The following CHN1 variants were observed in gnomAD, a reference collection of about 807,000 sequenced individuals.
CHN1 encodes N-chimaerin.
A neutral mutation model predicts 59.5 loss-of-function variants in CHN1; 37 were observed. That is an observed-to-expected ratio of 0.62 (90% confidence interval 0.48 to 0.82). The LOEUF (loss-of-function observed/expected upper bound fraction) is 0.82. Ranked by LOEUF, CHN1 falls within the 40% of genes least tolerant of loss-of-function variation. The pLI is 0.00. For synonymous variants in CHN1, 206 were observed against 200.4 expected (o/e 1.03, Z -0.24); for missense variants, 469 against 571.0 (o/e 0.82, Z 1.82).
intron 5 of CHN1, among the ~76,000 whole-genome samples, chr2:174,909,204 T>C (rs939017345): frequency 2.0e-5 from 3 of 152,190 alleles, no homozygotes; most frequent in Non-Finnish European, 4.4e-5. Context: ...AGAAACTGCT[T>C]TCTAAGTACA....
At chr2:174,945,054 C>A in intron 2 of CHN1, 111 bp from the exon 3 acceptor site, 1 of 717,520 alleles carries the variant, frequency 1.4e-6, no homozygotes, top group South Asian at 2.0e-5. Flanking sequence ...CTGGTATAAC[C>A]TTATTTACTA....
chr2:174,849,686 G>A (rs1373437600), intron 6 of CHN1, among the ~76,000 whole-genome samples: 1 of 152,022 alleles, frequency 6.6e-6, no homozygotes, highest in Admixed American at 6.6e-5. Context: ...ATTAGTTATT[G>A]AGTACATATA....
At chr2:174,822,628 C>T (rs1000642776) in intron 8 of CHN1, among the ~76,000 whole-genome samples, 1 of 152,204 alleles carries the variant, frequency 6.6e-6, no homozygotes, top group Admixed American at 6.5e-5. Context: ...AAACTGGGCT[C>T]ATTGAGACCA....
chr2:174,950,780 T>G (rs1395429076), intron 2 of CHN1, among the ~76,000 whole-genome samples: 1 of 148,230 alleles, frequency 6.7e-6, no homozygotes, highest in South Asian at 2.2e-4. Flanking sequence ...CAGAGAAGTT[T>G]TTTTTTTTTT....
chr2:174,871,605 T>A (rs1233335287), intron 6 of CHN1, among the ~76,000 whole-genome samples: 1 of 152,126 alleles, frequency 6.6e-6, no homozygotes, highest in Non-Finnish European at 1.5e-5. Context: ...GAAAAATCAG[T>A]TTTCTCATCT....
intron 1 of CHN1, among the ~76,000 whole-genome samples, chr2:174,967,184 A>C (rs187867623): frequency 2.0e-5 from 3 of 152,136 alleles, no homozygotes; most frequent in Admixed American, 6.5e-5. Flanking sequence ...TCTCTACAAA[A>C]AATACAAAAA....
intron 5 of CHN1, among the ~76,000 whole-genome samples, chr2:174,911,513 T>G (rs954320734): frequency 6.6e-6 from 1 of 152,184 alleles, no homozygotes; most frequent in Non-Finnish European, 1.5e-5. Context: ...TCATTTTTCC[T>G]AAGTCAAGAG....
intron 1 of CHN1, among the ~76,000 whole-genome samples, chr2:174,953,280 T>C (rs1690084303): frequency 6.6e-6 from 1 of 152,006 alleles, no homozygotes; most frequent in Non-Finnish European, 1.5e-5. Context: ...TAAACTGCAA[T>C]ATCACACTTC....
chr2:174,856,054 T>C (rs1686891294), intron 6 of CHN1, among the ~76,000 whole-genome samples: 1 of 152,144 alleles, frequency 6.6e-6, no homozygotes, highest in Non-Finnish European at 1.5e-5. Flanking sequence ...ACTAGGCCTT[T>C]TACTACTGCT....
intron 6 of CHN1, among the ~76,000 whole-genome samples, chr2:174,871,505 G>A (rs1315161020): frequency 6.6e-6 from 1 of 152,054 alleles, no homozygotes; most frequent in Non-Finnish European, 1.5e-5. Flanking sequence ...TCAAGGTGTC[G>A]AGTCACAAAT....
At chr2:174,984,401 G>T (rs143623983) in intron 1 of CHN1, among the ~76,000 whole-genome samples, 46 of 127,318 alleles carry the variant, frequency 3.6e-4, no homozygotes, top group African/African-American at 9.9e-4. Context: ...ATGGAGTCTC[G>T]CTCTGTCACC....
Position 174,799,725 on chromosome 2 carries a change from T to C in CHN1, c.*391A>G, listed in dbSNP as rs763206510. On this transcript the variant is annotated 3_prime_UTR_variant, in exon 13 of 13. Coordinates refer to ENST00000409900, the MANE Select transcript of CHN1 (RefSeq NM_001822.7). ...GTACAAGCATCAGAAACCAATGACA[T>C]AGACCCCAAAAGCAAAGTCACAACA... 20 of 535,660 alleles carry C rather than the reference T, an allele frequency of 3.7e-5. No individual in the cohort carries two copies. The highest frequency in any genetic ancestry group is 1.3e-4 in the African/African-American group (7 of 53,902). The allele number at this position is 535,660 out of a possible 1,614,324, so 33.2% of individuals were successfully genotyped here. A position where few individuals can be genotyped will look rare whatever the true frequency, so the allele number is the denominator to read the frequency against.
chr2:174,996,846 T>G (rs1691727043), intron 1 of CHN1, among the ~76,000 whole-genome samples: 1 of 152,160 alleles, frequency 6.6e-6, no homozygotes, highest in African/African-American at 2.4e-5. Context: ...AGCACATCCT[T>G]GCTTCAAAGC....
chr2:174,987,406 CTTTTTTT>C (rs893724969), intron 1 of CHN1, among the ~76,000 whole-genome samples: 135 of 140,814 alleles, frequency 9.6e-4, no homozygotes, highest in African/African-American at 3.3e-3. Context: ...ACTCTTTTTT[CTTTTTTT>C]TTTTTTTTAT....
At chr2:174,820,148 T>C (rs550341867) in intron 8 of CHN1, among the ~76,000 whole-genome samples, 1 of 152,288 alleles carries the variant, frequency 6.6e-6, no homozygotes, top group Non-Finnish European at 1.5e-5. Context: ...TGTGTCTTTA[T>C]AGCAGCATGA....
At chr2:174,826,781 G>C (rs969265690) in intron 7 of CHN1, among the ~76,000 whole-genome samples, 3 of 152,308 alleles carry the variant, frequency 2.0e-5, no homozygotes, top group Admixed American at 2.0e-4. Context: ...ATGCTGAAGA[G>C]AGGATTTTAA....
intron 1 of CHN1, among the ~76,000 whole-genome samples, chr2:174,963,277 A>G (rs1361193017): frequency 6.6e-6 from 1 of 152,196 alleles, no homozygotes; most frequent in African/African-American, 2.4e-5. Context: ...AAGTTTTACA[A>G]ACATTGTCTT....
At chr2:174,904,850 C>G (rs1026694926) in intron 5 of CHN1, among the ~76,000 whole-genome samples, 1 of 152,110 alleles carries the variant, frequency 6.6e-6, no homozygotes, top group African/African-American at 2.4e-5. Context: ...TTGCCAAGAA[C>G]AGAGGTTACG....
At chr2:174,938,340 A>G (rs532697681) in intron 3 of CHN1, among the ~76,000 whole-genome samples, 1 of 151,902 alleles carries the variant, frequency 6.6e-6, no homozygotes, top group South Asian at 2.1e-4. Context: ...TTAATCCTTT[A>G]CTTTCATTTC....
Sources: allele counts gnomAD v4.1 joint callset (sites outside exome capture counted in the v4.1 genomes callset), GRCh38; gene constraint gnomAD v4.1.1; transcripts MANE v1.5; gene names NCBI Gene and HGNC (gene_info 2026-07-23, HGNC 2026-07-21).